The following PLCG2 variants were observed in gnomAD, a reference collection of about 807,000 sequenced individuals.
The protein encoded by PLCG2 is phospholipase C gamma 2.
A neutral mutation model predicts 175.6 loss-of-function variants in PLCG2; 69 were observed. The ratio of observed to expected loss-of-function variants is 0.39; its 90% CI spans 0.32 to 0.48. The LOEUF (loss-of-function observed/expected upper bound fraction) is 0.48, where lower values mean the gene tolerates loss of function less well. Among genes scored for constraint, PLCG2 ranks in the 20% least tolerant of loss-of-function variants. PLCG2 has a pLI of 0.91. For synonymous variants in PLCG2, 827 were observed against 624.0 expected, an observed-to-expected ratio of 1.33 and a Z score of -4.85; for missense variants, 1,798 against 1,650.9, an observed-to-expected ratio of 1.09 and a Z score of -1.54.
chr16:81,825,525 C>G (rs561923896), intron 2 of PLCG2, among the ~76,000 whole-genome samples: 1 of 152,108 alleles, frequency 6.6e-6, no homozygotes, highest in African/African-American at 2.4e-5. Context: ...CAACTCCTGA[C>G]CTCAGGTGTT....
chr16:81,931,876 C>G (rs540725737), intron 25 of PLCG2, among the ~76,000 whole-genome samples: 1 of 152,120 alleles, frequency 6.6e-6, no homozygotes, highest in South Asian at 2.1e-4. Flanking sequence ...TTGTCTGGTT[C>G]GAACCTTCAG....
intron 31 of PLCG2, among the ~76,000 whole-genome samples, chr16:81,952,644 A>C (rs1056298709): frequency 1.3e-5 from 2 of 152,236 alleles, no homozygotes; most frequent in Admixed American, 6.6e-5. Flanking sequence ...AGATTCTAGC[A>C]CACAGAATGA....
intron 2 of PLCG2, among the ~76,000 whole-genome samples, chr16:81,813,482 G>C (rs2143303374): frequency 6.6e-6 from 1 of 152,272 alleles, no homozygotes; most frequent in East Asian, 1.9e-4. Context: ...TGTCTGTCAT[G>C]GTGTAGAAAT....
At chr16:81,793,299 C>T (rs952423871) in intron 2 of PLCG2, among the ~76,000 whole-genome samples, 18 of 152,190 alleles carry the variant, frequency 1.2e-4, no homozygotes, top group African/African-American at 4.3e-4. Context: ...GGTTTTCTTT[C>T]CTTTCTGAGG....
chr16:81,936,052 A>G, intron 26 of PLCG2, 117 bp from the exon 27 acceptor site: 1 of 1,482,832 alleles, frequency 6.7e-7, no homozygotes, highest in Non-Finnish European at 8.9e-7. Flanking sequence ...CTTGAATGTC[A>G]AAGAGGGAGA....
chr16:81,896,973 A>G (rs1433694279), intron 13 of PLCG2, among the ~76,000 whole-genome samples: 1 of 152,206 alleles, frequency 6.6e-6, no homozygotes, highest in Non-Finnish European at 1.5e-5. Context: ...GGTCAACGAA[A>G]TTGTTCTATA....
At chr16:81,940,202 G>C (rs1910882696) in intron 30 of PLCG2, 143 bp downstream of exon 30, 13 of 685,198 alleles carry the variant, frequency 1.9e-5, no homozygotes, top group Non-Finnish European at 2.2e-5. Flanking sequence ...TGGAGAGCAG[G>C]TGTACAGCCT....
intron 2 of PLCG2, among the ~76,000 whole-genome samples, chr16:81,844,842 A>G (rs1177659773): frequency 6.6e-6 from 1 of 152,254 alleles, no homozygotes; most frequent in East Asian, 1.9e-4. Context: ...CTAGTCTCCT[A>G]TTTACACAGG....
intron 11 of PLCG2, 122 bp from the exon 12 acceptor site, chr16:81,893,587 A>G: frequency 1.5e-6 from 1 of 682,698 alleles, no homozygotes; most frequent in South Asian, 1.6e-5. Flanking sequence ...TTCTACATGG[A>G]AGAACTCAGA....
chr16:81,947,602 G>T (rs890435703), intron 31 of PLCG2, among the ~76,000 whole-genome samples: 2 of 152,202 alleles, frequency 1.3e-5, no homozygotes, highest in East Asian at 1.9e-4. Flanking sequence ...GATTGATCCA[G>T]TAAGGGCTAA....
chr16:81,942,321 G>A (rs1597148102), intron 30 of PLCG2, among the ~76,000 whole-genome samples: 2 of 152,206 alleles, frequency 1.3e-5, no homozygotes, highest in South Asian at 4.1e-4. Context: ...TTAGCTTGGA[G>A]ATTTGGAAAA....
intron 2 of PLCG2, among the ~76,000 whole-genome samples, chr16:81,810,716 C>G (rs1284283238): frequency 6.7e-6 from 1 of 150,082 alleles, no homozygotes; most frequent in African/African-American, 2.5e-5. Flanking sequence ...CTCATTAATT[C>G]ATTCTTCCTG....
intron 2 of PLCG2, among the ~76,000 whole-genome samples, chr16:81,769,738 T>A (rs536792195): frequency 1.2e-3 from 170 of 139,390 alleles, no homozygotes; most frequent in Non-Finnish European, 1.9e-3. Context: ...GAGAATGGCG[T>A]GAACCCGGGA....
chr16:81,957,153 G>T (rs759275095), intron 32 of PLCG2, among the ~76,000 whole-genome samples: 3 of 152,140 alleles, frequency 2.0e-5, no homozygotes, highest in Non-Finnish European at 2.9e-5. Flanking sequence ...ACAAAAATTA[G>T]CTGGGCATGG....
intron 11 of PLCG2, among the ~76,000 whole-genome samples, chr16:81,893,160 C>T (rs1420617742): frequency 6.6e-6 from 1 of 152,082 alleles, no homozygotes; most frequent in South Asian, 2.1e-4. Context: ...TGCTTGGCCT[C>T]GGAACACAAA....
intron 18 of PLCG2, among the ~76,000 whole-genome samples, chr16:81,911,042 G>C (rs1041030669): frequency 2.0e-5 from 3 of 151,878 alleles, no homozygotes; most frequent in African/African-American, 7.3e-5. Flanking sequence ...GCTCCTTCCT[G>C]TTTGTTCTGA....
At chr16:81,778,071 C>CAAAAAAAAAAT (rs1567458002), upstream of PLCG2, among the ~76,000 whole-genome samples, 1 of 77,200 alleles carries the variant, frequency 1.3e-5, no homozygotes, top group African/African-American at 6.2e-5. Flanking sequence ...AAACCAAAAA[C>CAAAAAAAAAAT]ACACACACAC....
At chr16:81,839,307 C>T (rs973015907) in intron 2 of PLCG2, among the ~76,000 whole-genome samples, 1 of 151,922 alleles carries the variant, frequency 6.6e-6, no homozygotes, top group African/African-American at 2.4e-5. Flanking sequence ...GAAATAATGT[C>T]ATATGGCTCC....
chr16:81,780,404 C>G (rs1196872289), intron 1 of PLCG2, among the ~76,000 whole-genome samples: 3 of 152,106 alleles, frequency 2.0e-5, no homozygotes, highest in East Asian at 1.9e-4. Flanking sequence ...GTTCCTGACT[C>G]TCTGGTTCAA....
Sources: allele counts gnomAD v4.1 joint callset (sites outside exome capture counted in the v4.1 genomes callset), GRCh38; gene constraint gnomAD v4.1.1; transcripts MANE v1.5; gene names NCBI Gene and HGNC (gene_info 2026-07-23, HGNC 2026-07-21).